The following HEPHL1 variants were observed in gnomAD, a reference collection of about 807,000 sequenced individuals.
HEPHL1 encodes the protein hephaestin like 1.
HEPHL1 carries 123 observed loss-of-function variants against 122.0 expected under a neutral mutation model. The ratio of observed to expected loss-of-function variants is 1.01; its 90% confidence interval spans 0.87 to 1.17. The LOEUF (loss-of-function observed/expected upper bound fraction) is 1.17. HEPHL1 is among the 50% of genes most tolerant of loss of function. The probability of loss-of-function intolerance (pLI) is 0.00; values close to 1 mark genes in which losing one functional copy is unlikely to be tolerated. For missense variants in HEPHL1, 1,452 were observed against 1,430.5 expected (o/e 1.01, Z -0.24); for synonymous variants, 527 against 508.9 (o/e 1.04, Z -0.48).
At chr11:94,072,833 G>A (rs1565354855) in intron 6 of HEPHL1, among the ~76,000 whole-genome samples, 192 bp from the exon 7 acceptor site, 1 of 152,232 alleles carries the variant, frequency 6.6e-6, no homozygotes, top group East Asian at 1.9e-4. Flanking sequence ...AAATGAGCTT[G>A]AGTATCACCC....
At chr11:94,094,264 T>C (rs1376615519) in intron 13 of HEPHL1, among the ~76,000 whole-genome samples, 3 of 151,924 alleles carry the variant, frequency 2.0e-5, no homozygotes, top group Non-Finnish European at 4.4e-5. Context: ...TTTTTTGTCC[T>C]TGCGATAGTT....
intron 2 of HEPHL1, among the ~76,000 whole-genome samples, chr11:94,060,780 T>C (rs547037426): frequency 5.9e-5 from 9 of 152,326 alleles, no homozygotes; most frequent in African/African-American, 1.9e-4. Context: ...TAAACACATT[T>C]GACCTTCATC....
intron 12 of HEPHL1, among the ~76,000 whole-genome samples, chr11:94,089,323 T>G (rs1946245629): frequency 6.6e-6 from 1 of 151,708 alleles, no homozygotes; most frequent in African/African-American, 2.4e-5. Context: ...TGATGTGGGG[T>G]GAGAGGATGG....
intron 1 of HEPHL1, among the ~76,000 whole-genome samples, chr11:94,026,109 A>C (rs1195817797): frequency 1.3e-5 from 2 of 152,192 alleles, no homozygotes; most frequent in African/African-American, 4.8e-5. Flanking sequence ...TCCTTAGCCT[A>C]TGTGCTTTAA....
rs1050393535 is a variant in HEPHL1, at chr11:94,093,997, T to G, written c.2434+357T>G. Among the ~76,000 whole-genome samples the G allele has an allele frequency of 1.6e-4, 19 of 119,038 alleles. 3 individuals carry two copies. Among genetic ancestry groups the G allele is most frequent in the African/African-American group, 6.5e-4 (17 of 26,216 alleles). 78.1% of individuals were successfully genotyped at this position (119,038 alleles called of 152,430 possible). ...ATATATATATATATATATATATATA[T>G]ATATATATATATATATAAAACTTTA... On this transcript the variant is annotated intron_variant, in intron 13 of 19. Coordinates refer to ENST00000315765, the MANE Select transcript of HEPHL1 (RefSeq NM_001098672.2).
chr11:94,042,872 T>TAAAAAAAAAAAAAA (rs1181820453), intron 1 of HEPHL1, among the ~76,000 whole-genome samples: 4 of 1,200 alleles, frequency 3.3e-3, no homozygotes, highest in Non-Finnish European at 7.7e-3. Context: ...ACTTAAAGTA[T>TAAAAAAAAAAAAAA]AATAAAAAAA....
At chr11:94,035,860 C>G (rs1945716557) in intron 1 of HEPHL1, among the ~76,000 whole-genome samples, 1 of 152,200 alleles carries the variant, frequency 6.6e-6, no homozygotes, top group African/African-American at 2.4e-5. Flanking sequence ...ACTCAGCCTC[C>G]TGAGTAGCTG....
chr11:94,037,835 A>C (rs577076823), intron 1 of HEPHL1, among the ~76,000 whole-genome samples: 149 of 152,050 alleles, frequency 9.8e-4, no homozygotes, highest in African/African-American at 3.3e-3. Flanking sequence ...AAAGGAACGC[A>C]GTTCCTCACC....
chr11:94,103,211 C>T (rs1591489474), intron 15 of HEPHL1, among the ~76,000 whole-genome samples, 191 bp downstream of exon 15: 1 of 133,854 alleles, frequency 7.5e-6, no homozygotes. Flanking sequence ...TGAGTAGCTG[C>T]AACAGAGACT....
intron 17 of HEPHL1, among the ~76,000 whole-genome samples, chr11:94,107,121 G>C (rs905789437): frequency 6.6e-6 from 1 of 152,202 alleles, no homozygotes; most frequent in Non-Finnish European, 1.5e-5. Flanking sequence ...AAGTGGAATA[G>C]AAAAGAACAA....
At chr11:94,039,577 C>A (rs1476439357) in intron 1 of HEPHL1, among the ~76,000 whole-genome samples, 1 of 151,780 alleles carries the variant, frequency 6.6e-6, no homozygotes, top group Non-Finnish European at 1.5e-5. Context: ...TCACTCAAAG[C>A]CGCTCAACTA....
intron 8 of HEPHL1, 80 bp from the exon 9 acceptor site, chr11:94,075,094 C>T (rs916459349): frequency 3.2e-6 from 4 of 1,244,272 alleles, no homozygotes; most frequent in African/African-American, 3.0e-5. Flanking sequence ...GAGGGAGGCA[C>T]CCAGGGCTGG....
chr11:94,090,385 C>A (rs1450347717), intron 12 of HEPHL1, among the ~76,000 whole-genome samples: 1 of 152,126 alleles, frequency 6.6e-6, no homozygotes, highest in African/African-American at 2.4e-5. Flanking sequence ...AAAAATATAG[C>A]CTTTATGATG....
chr11:94,088,362 A>T (rs966492635), intron 11 of HEPHL1, among the ~76,000 whole-genome samples: 1 of 152,188 alleles, frequency 6.6e-6, no homozygotes, highest in Non-Finnish European at 1.5e-5. Context: ...GCTTAATTTG[A>T]ACCTTGTCTA....
At chr11:94,076,749 A>G (rs1184638636) in intron 9 of HEPHL1, among the ~76,000 whole-genome samples, 6 of 152,190 alleles carry the variant, frequency 3.9e-5, no homozygotes, top group Non-Finnish European at 8.8e-5. Context: ...TATAAGCAAA[A>G]TGGTCAGTCT....
chr11:94,087,019 GTC>G (rs1946224270), intron 11 of HEPHL1, among the ~76,000 whole-genome samples: 1 of 152,314 alleles, frequency 6.6e-6, no homozygotes, highest in Admixed American at 6.5e-5. Context: ...CAGTTTAGAT[GTC>G]TCTGTGTCAT....
chr11:94,075,376 T>A lies in HEPHL1; in HGVS notation c.1707T>A (p.Asp569Glu), dbSNP rs1946112825. ...GTAAAAAGGGCGTCCTCAATGCTGATGGGACACAGGTAGGCCATTGAGTGT... is the reference window on the plus strand; with the variant it reads ...GTAAAAAGGGCGTCCTCAATGCTGAAGGGACACAGGTAGGCCATTGAGTGT... Reference protein sequence around the residue: ...LVCKKGVLNADGTQKGIDKEF... With the variant: ...LVCKKGVLNAEGTQKGIDKEF... Residue 569 changes from aspartate (D) to glutamate (E), a missense_variant, in exon 9 of 20, where the codon GAT becomes GAA. Physicochemically the swap from Asp to Glu is conservative, Grantham distance 45 (BLOSUM62 2). Coordinates refer to ENST00000315765, the MANE Select transcript of HEPHL1 (RefSeq NM_001098672.2). The A allele has an allele frequency of 1.9e-6, 3 of 1,612,080 alleles. No individual in the cohort carries two copies. Among genetic ancestry groups the A allele is most frequent in the Non-Finnish European group, 2.5e-6 (3 of 1,179,152 alleles).
At position 94,112,690 on chromosome 11, in the gene HEPHL1, A is replaced by C. The variant is rs187585629; in HGVS notation, c.*796A>C. ...CTACTGCAGACTGTGGGAGGGCTGA[A>C]ATCTGTAAAAGAACATGTTAGGCTC... On this transcript the variant is annotated 3_prime_UTR_variant, in exon 20 of 20. Coordinates refer to ENST00000315765, the MANE Select transcript of HEPHL1 (RefSeq NM_001098672.2). 6.6e-6 allele frequency: 1 copy of C among 152,322 alleles called. No individual in the cohort carries two copies. Among genetic ancestry groups the C allele is most frequent in the East Asian group, 1.9e-4 (1 of 5,174 alleles). 9.4% of individuals were successfully genotyped at this position (152,322 alleles called of 1,614,324 possible). A position where few individuals can be genotyped will look rare whatever the true frequency, so the allele number is the denominator to read the frequency against.
chr11:94,100,608 G>T (rs994086435), intron 13 of HEPHL1, among the ~76,000 whole-genome samples: 6 of 152,142 alleles, frequency 3.9e-5, no homozygotes, highest in Admixed American at 3.9e-4. Flanking sequence ...ATACATAAAT[G>T]ATTTTATTTC....
Sources: allele counts gnomAD v4.1 joint callset (sites outside exome capture counted in the v4.1 genomes callset), GRCh38; gene constraint gnomAD v4.1.1; transcripts MANE v1.5; gene names NCBI Gene and HGNC (gene_info 2026-07-23, HGNC 2026-07-21).